The following KIFC3 variants were observed in gnomAD, a reference collection of about 807,000 sequenced individuals.
KIFC3 encodes kinesin-like protein KIFC3.
In KIFC3, 60 loss-of-function variants were observed where a neutral mutation model predicts 101.8. The ratio of observed to expected loss-of-function variants is 0.59; its 90% confidence interval spans 0.48 to 0.73. KIFC3 has a LOEUF of 0.73. KIFC3 is among the 30% of genes least tolerant of loss of function. KIFC3 has a pLI of 0.00. For missense variants in KIFC3, 966 were observed against 1,137.1 expected, an observed-to-expected ratio of 0.85 and a Z score of 2.16; for synonymous variants, 476 against 482.7, an observed-to-expected ratio of 0.99 and a Z score of 0.18.
At chr16:57,849,999 T>G (rs992108371) in intron 1 of KIFC3, among the ~76,000 whole-genome samples, 2 of 152,126 alleles carry the variant, frequency 1.3e-5, no homozygotes, top group East Asian at 3.9e-4. Context: ...CCTCGAAAAG[T>G]AGGGGAATCA....
intron 1 of KIFC3, among the ~76,000 whole-genome samples, chr16:57,823,220 A>G (rs543030377): frequency 6.6e-6 from 1 of 152,278 alleles, no homozygotes; most frequent in Non-Finnish European, 1.5e-5. Flanking sequence ...ATTTCTTCCT[A>G]TTGATAATAA....
chr16:57,832,321 CTTTTT>C (rs1165977084), intron 1 of KIFC3, among the ~76,000 whole-genome samples: 8 of 73,494 alleles, frequency 1.1e-4, no homozygotes, highest in African/African-American at 2.4e-4. Context: ...GCGCCAGGCC[CTTTTT>C]TTTTTTTTTT....
intron 3 of KIFC3, among the ~76,000 whole-genome samples, chr16:57,786,818 C>G (rs1486981495): frequency 2.0e-5 from 3 of 152,170 alleles, no homozygotes; most frequent in Non-Finnish European, 2.9e-5. Flanking sequence ...CTCAGCTGGA[C>G]AGGGAAGTGG....
chr16:57,831,052 G>A (rs1358115440), intron 1 of KIFC3, among the ~76,000 whole-genome samples: 3 of 152,184 alleles, frequency 2.0e-5, no homozygotes, highest in Non-Finnish European at 4.4e-5. Flanking sequence ...GGTGACTTAC[G>A]CCACACTTGA....
At chr16:57,793,227 A>G (rs2054023494) in intron 3 of KIFC3, among the ~76,000 whole-genome samples, 1 of 151,668 alleles carries the variant, frequency 6.6e-6, no homozygotes, top group Admixed American at 6.6e-5. Context: ...TGAAGGTTGC[A>G]GTGGGCTGCA....
intron 1 of KIFC3, among the ~76,000 whole-genome samples, chr16:57,812,508 C>T (rs1409907964): frequency 4.6e-5 from 7 of 152,144 alleles, no homozygotes; most frequent in East Asian, 1.9e-4. Context: ...CAGTGGCAGG[C>T]GGTGGCCCCA....
intron 1 of KIFC3, among the ~76,000 whole-genome samples, chr16:57,809,258 C>A (rs969550296): frequency 9.2e-5 from 14 of 152,122 alleles, no homozygotes; most frequent in Non-Finnish European, 1.3e-4. Flanking sequence ...GTGTCTGGGG[C>A]GCACCTAGCA....
chr16:57,786,911 C>G (rs1306016703), intron 3 of KIFC3, among the ~76,000 whole-genome samples: 1 of 152,196 alleles, frequency 6.6e-6, no homozygotes, highest in African/African-American at 2.4e-5. Flanking sequence ...CCCCCCAACC[C>G]GCTCTAGGAG....
chr16:57,838,239 C>T (rs980376325), intron 1 of KIFC3, among the ~76,000 whole-genome samples: 1 of 152,198 alleles, frequency 6.6e-6, no homozygotes, highest in Admixed American at 6.5e-5. Flanking sequence ...AATTCAAATT[C>T]ACCTGCAAGA....
At chr16:57,808,970 A>C (rs1474015827) in intron 1 of KIFC3, among the ~76,000 whole-genome samples, 2 of 152,178 alleles carry the variant, frequency 1.3e-5, no homozygotes, top group East Asian at 3.9e-4. Context: ...GACCGGATAG[A>C]ATTTTTTACT....
At chr16:57,766,799 G>A (rs368372161) in intron 10 of KIFC3, 75 bp downstream of exon 10, 58 of 933,452 alleles carry the variant, frequency 6.2e-5, no homozygotes, top group Admixed American at 4.8e-4. Context: ...ATGGTGGGGT[G>A]AGCTCCAAGC....
intron 2 of KIFC3, among the ~76,000 whole-genome samples, chr16:57,797,411 G>C (rs980444361): frequency 2.3e-4 from 35 of 152,228 alleles, no homozygotes; most frequent in African/African-American, 8.4e-4. Flanking sequence ...TCCCGGCCCT[G>C]AATCAGAGAA....
chr16:57,819,000 G>A (rs73558653), intron 1 of KIFC3, among the ~76,000 whole-genome samples: 2,831 of 152,286 alleles, frequency 0.019, 106 homozygotes, highest in African/African-American at 0.064. Context: ...CTGAGCCACG[G>A]AGTCTGGGGA....
chr16:57,800,166 G>A (rs1305300874), intron 1 of KIFC3, among the ~76,000 whole-genome samples: 3 of 152,212 alleles, frequency 2.0e-5, no homozygotes, highest in African/African-American at 7.2e-5. Context: ...GGGGCCTGAA[G>A]ATCTGGTGTC....
At chr16:57,823,189 A>G (rs553218548) in intron 1 of KIFC3, among the ~76,000 whole-genome samples, 1 of 152,138 alleles carries the variant, frequency 6.6e-6, no homozygotes, top group Non-Finnish European at 1.5e-5. Flanking sequence ...GGTCTCTACA[A>G]CCCCTTATCA....
At chr16:57,815,968 C>T (rs993841508) in intron 1 of KIFC3, among the ~76,000 whole-genome samples, 1 of 152,234 alleles carries the variant, frequency 6.6e-6, no homozygotes, top group Non-Finnish European at 1.5e-5. Flanking sequence ...CTGCTACAAA[C>T]AGGCTTTTAC....
intron 1 of KIFC3, among the ~76,000 whole-genome samples, chr16:57,859,346 T>C (rs531092954): frequency 6.6e-6 from 1 of 152,204 alleles, no homozygotes; most frequent in Non-Finnish European, 1.5e-5. Flanking sequence ...ATCTATATTC[T>C]CAGCTTGAGT....
chr16:57,794,504 G>A (rs147925122), intron 3 of KIFC3, among the ~76,000 whole-genome samples: 1 of 152,158 alleles, frequency 6.6e-6, no homozygotes, highest in Non-Finnish European at 1.5e-5. Context: ...GAGATTACAG[G>A]CCTGAGCCAC....
At chr16:57,761,321 G>A (rs2049823949) in intron 14 of KIFC3, 92 bp downstream of exon 14, 3 of 1,581,516 alleles carry the variant, frequency 1.9e-6, no homozygotes, top group Admixed American at 3.4e-5. Context: ...TTGCCCAAGG[G>A]TGCGTGCTTA....
Sources: allele counts gnomAD v4.1 joint callset (sites outside exome capture counted in the v4.1 genomes callset), GRCh38; gene constraint gnomAD v4.1.1; transcripts MANE v1.5; gene names NCBI Gene and HGNC (gene_info 2026-07-23, HGNC 2026-07-21).